Variants in OXNAD1 observed in about 807,000 individuals in gnomAD.
The protein encoded by OXNAD1 is oxidoreductase NAD-binding domain-containing protein 1.
Under a neutral mutation model 32.9 loss-of-function variants are expected in OXNAD1, and 34 were observed. The observed-to-expected ratio is 1.03, with a 90% confidence interval of 0.79 to 1.38. OXNAD1 has a LOEUF of 1.38. Ranked by LOEUF, OXNAD1 falls within the 40% of genes most tolerant of loss-of-function variation. The probability of loss-of-function intolerance (pLI) is 0.00; values close to 1 mark genes in which losing one functional copy is unlikely to be tolerated. For missense variants in OXNAD1, 407 were observed against 379.4 expected (o/e 1.07, Z -0.60); for synonymous variants, 134 against 135.2 (o/e 0.99, Z 0.06).
chr3:16,335,869 T>C lies in OXNAD1; in HGVS notation c.*31-1243T>C, dbSNP rs2070796306. 6.6e-6 allele frequency among the ~76,000 whole-genome samples: 1 copy of C among 150,750 alleles called. No individual in the cohort carries two copies. The highest frequency in any genetic ancestry group is 1.5e-5 in the Non-Finnish European group (1 of 67,896). ...GCCTGGAAACTGGATGGATGGATGGTGAGGTCTCAGGAGGCCACAGGCAGG... is the reference window on the plus strand; with the variant it reads ...GCCTGGAAACTGGATGGATGGATGGCGAGGTCTCAGGAGGCCACAGGCAGG... On this transcript the variant is annotated intron_variant, in intron 9 of 9. Coordinates refer to the OXNAD1 transcript ENST00000435829. This position sits in a 1 kb window ranked among gnomAD's most constrained non-coding sequence, Gnocchi z 4.7.
intron 9 of OXNAD1, among the ~76,000 whole-genome samples, chr3:16,330,213 G>T (rs148215891): frequency 2.6e-5 from 4 of 152,306 alleles, no homozygotes; most frequent in East Asian, 3.9e-4. Flanking sequence ...GAGTTGACAA[G>T]TAAAATACAA....
intron 9 of OXNAD1, among the ~76,000 whole-genome samples, chr3:16,324,572 CT>C (rs1231543022): frequency 6.7e-6 from 1 of 150,124 alleles, no homozygotes; most frequent in African/African-American, 2.5e-5. Context: ...AGCATAGTGT[CT>C]TCCAGGCTCA....
At position 16,289,007 on chromosome 3, in the gene OXNAD1, C is replaced by T. The variant is rs544962851; in HGVS notation, c.290+2559C>T. 5.9e-5 allele frequency among the ~76,000 whole-genome samples: 9 copies of T among 152,332 alleles called. No individual in the cohort carries two copies. The highest frequency in any genetic ancestry group is 2.2e-4 in the African/African-American group (9 of 41,580). ...CTCAGCTCACATGCTTGCTTTCTACCAGCCAGCTCTGTGATGTGGTCAGTT... is the reference window on the plus strand; with the variant it reads ...CTCAGCTCACATGCTTGCTTTCTACTAGCCAGCTCTGTGATGTGGTCAGTT... On this transcript the variant is annotated intron_variant, in intron 5 of 8. Transcript: ENST00000285083. The surrounding 1 kb of genome is among the most constrained non-coding windows in gnomAD (Gnocchi z 4.9).
chr3:16,343,479 CCCA>C (rs958895584), intron 9 of OXNAD1, among the ~76,000 whole-genome samples: 3 of 152,196 alleles, frequency 2.0e-5, no homozygotes, highest in African/African-American at 7.2e-5. Flanking sequence ...CCAATTGTTT[CCCA>C]CCATTTCCAG....
rs990090907 is a variant in OXNAD1 at position 16,327,892 on chromosome 3, G to A, written c.*31-9220G>A. On this transcript the variant is annotated intron_variant, in intron 9 of 9. Transcript: ENST00000435829. This position sits in a 1 kb window ranked among gnomAD's most constrained non-coding sequence, Gnocchi z 4.2. ...TGCAACAGGCCTCATTTCTTACTACGGGTTCCTCACTAACACTCAAAGTGT... is the reference window on the plus strand; with the variant it reads ...TGCAACAGGCCTCATTTCTTACTACAGGTTCCTCACTAACACTCAAAGTGT... Among the ~76,000 whole-genome samples, 6 of 152,124 alleles carry A rather than the reference G, an allele frequency of 3.9e-5. No homozygotes were observed. The highest frequency in any genetic ancestry group is 2.9e-5 in the Non-Finnish European group (2 of 68,014).
chr3:16,292,488 G>T lies in OXNAD1; in HGVS notation c.291-2368G>T, dbSNP rs568387198. On this transcript the variant is annotated intron_variant, in intron 5 of 8. Coordinates refer to ENST00000285083, the MANE Select transcript of OXNAD1 (RefSeq NM_138381.5). ...GATTTGTATAGGCATGAGCCACTGT[G>T]CCTGGCCCTGACTTTCTTGATGATA... Among the ~76,000 whole-genome samples, 4 of 152,272 alleles carry T rather than the reference G, an allele frequency of 2.6e-5. No individual in the cohort carries two copies. In the South Asian group the frequency reaches 6.2e-4, roughly 24 times the overall value.
At chr3:16,351,609 C>T (rs13323248), downstream of OXNAD1, among the ~76,000 whole-genome samples, 1,853 of 152,280 alleles carry the variant, frequency 0.012, 27 homozygotes, top group African/African-American at 0.042. The surrounding 1 kb of genome is among the most constrained non-coding windows in gnomAD (Gnocchi z 5.4). Context: ...GTCAAGTCCT[C>T]GCAGGTAGCA....
chr3:16,278,180 T>G (rs780489417), intron 4 of OXNAD1, among the ~76,000 whole-genome samples: 1 of 152,232 alleles, frequency 6.6e-6, no homozygotes, highest in Non-Finnish European at 1.5e-5. Context: ...GGTTACAGCA[T>G]TGAAAATGAT....
chr3:16,332,015 G>A (rs542592034), intron 9 of OXNAD1, among the ~76,000 whole-genome samples: 62 of 152,282 alleles, frequency 4.1e-4, no homozygotes, highest in Middle Eastern at 3.4e-3. Context: ...GTAACCTGTT[G>A]TATTGCTTTG....
chr3:16,285,376 A>G (rs941116730), intron 4 of OXNAD1, among the ~76,000 whole-genome samples: 1 of 152,200 alleles, frequency 6.6e-6, no homozygotes, highest in Non-Finnish European at 1.5e-5. Context: ...CACACTTTCC[A>G]AGGAGAGGGC....
downstream of OXNAD1, among the ~76,000 whole-genome samples, chr3:16,310,846 C>T (rs956563248): frequency 1.3e-5 from 2 of 151,838 alleles, no homozygotes; most frequent in Non-Finnish European, 2.9e-5. Flanking sequence ...AAAAATTAGC[C>T]GGGCGTGGTG....
Position 16,271,395 on chromosome 3 carries a change from G to T in OXNAD1, c.120-264G>T, listed in dbSNP as rs554741112. Among the ~76,000 whole-genome samples, 7 of 152,196 alleles carry T rather than the reference G, an allele frequency of 4.6e-5. No individual in the cohort carries two copies. The highest frequency in any genetic ancestry group is 2.1e-4 in the South Asian group (1 of 4,820). On this transcript the variant is annotated intron_variant, in intron 3 of 8. Transcript: ENST00000285083. The surrounding 1 kb of genome is among the most constrained non-coding windows in gnomAD (Gnocchi z 4.6). ...ATTTTTGTATTTTTGGTAGAGAAAG[G>T]CTTTCTCCATGTTGGCCAGGCTGGT...
downstream of OXNAD1, among the ~76,000 whole-genome samples, chr3:16,351,069 G>A (rs1247412994): frequency 2.0e-5 from 3 of 152,318 alleles, no homozygotes; most frequent in South Asian, 4.1e-4. This position sits in a 1 kb window ranked among gnomAD's most constrained non-coding sequence, Gnocchi z 5.4. Flanking sequence ...TATTACACAG[G>A]ATTCACAGGA....
At position 16,322,522 on chromosome 3, in the gene OXNAD1, G is replaced by C. The variant is rs1421953309; in HGVS notation, c.*31-14590G>C. On this transcript the variant is annotated intron_variant, in intron 9 of 9. Coordinates refer to the OXNAD1 transcript ENST00000435829. The surrounding 1 kb of genome is among the most constrained non-coding windows in gnomAD (Gnocchi z 6.2). ...TGGCCTCAGCCATCAAAGGTGCAGT[G>C]AGCTGAATCCAGGTGATGCCTGACT... is the stretch of plus-strand genomic sequence containing the variant. Among the ~76,000 whole-genome samples, 1 of 152,228 alleles carries C rather than the reference G, an allele frequency of 6.6e-6. No homozygotes were observed. The highest frequency in any genetic ancestry group is 1.9e-4 in the East Asian group (1 of 5,192).
chr3:16,316,983 C>G lies in OXNAD1; in HGVS notation c.*30+13391C>G, dbSNP rs575610057. On this transcript the variant is annotated intron_variant, in intron 9 of 9. Transcript: ENST00000435829. This position sits in a 1 kb window ranked among gnomAD's most constrained non-coding sequence, Gnocchi z 4.5. ...ACAGCCTCACCCTCCACACCCACCC[C>G]ACACAGCAGGCCACCAGGGGACAGC... The G allele has an allele frequency of 6.2e-7, 1 of 1,614,102 alleles. No homozygotes were observed. Among genetic ancestry groups the G allele is most frequent in the African/African-American group, 1.3e-5 (1 of 75,038 alleles).
At chr3:16,272,441 TA>T (rs11295949) in intron 4 of OXNAD1, 110,128 of 163,864 alleles carry the variant, frequency 0.67, 38,124 homozygotes, top group African/African-American at 0.84. Context: ...AAGCTAACAA[TA>T]AAAAAACTAT....
rs958671194 is a variant in OXNAD1 at position 16,302,186 on chromosome 3, A to G, written c.675+318A>G. On this transcript the variant is annotated intron_variant, in intron 7 of 8. Transcript: ENST00000285083. This position sits in a 1 kb window ranked among gnomAD's most constrained non-coding sequence, Gnocchi z 4.2. ...CTACAGTGGACTAGTGTATCACAGG[A>G]GTAGGTAAGACTTAGACAGTTTGGA... is the stretch of plus-strand genomic sequence containing the variant. Among the ~76,000 whole-genome samples, 4 of 152,182 alleles carry G rather than the reference A, an allele frequency of 2.6e-5. No individual in the cohort carries two copies. Among genetic ancestry groups the G allele is most frequent in the Non-Finnish European group, 5.9e-5 (4 of 68,026 alleles).
At position 16,322,383 on chromosome 3, in the gene OXNAD1, A is replaced by C. The variant is rs2125195551; in HGVS notation, c.*31-14729A>C. On this transcript the variant is annotated intron_variant, in intron 9 of 9. Transcript: ENST00000435829. The surrounding 1 kb of genome is among the most constrained non-coding windows in gnomAD (Gnocchi z 6.2). Reference sequence around the variant, plus strand: ...CTGCTCCAATCTGTTCATTTACTTGATGCTCCTTCCCAGGGCTCTGTGTCC... The same window carrying C: ...CTGCTCCAATCTGTTCATTTACTTGCTGCTCCTTCCCAGGGCTCTGTGTCC... 6.6e-6 allele frequency among the ~76,000 whole-genome samples: 1 copy of C among 152,244 alleles called. No homozygotes were observed. The highest frequency in any genetic ancestry group is 1.9e-4 in the East Asian group (1 of 5,174).
At chr3:16,306,143 C>T (rs935491944), downstream of OXNAD1, 1 of 152,318 alleles carries the variant, frequency 6.6e-6, no homozygotes, top group African/African-American at 2.4e-5. Context: ...AAGACCCTTT[C>T]CCAGCCTACT....
Sources: allele counts gnomAD v4.1 joint callset (sites outside exome capture counted in the v4.1 genomes callset), GRCh38; gene constraint gnomAD v4.1.1; non-coding constraint Gnocchi (gnomAD v3.1); transcripts MANE v1.5; gene names NCBI Gene and HGNC (gene_info 2026-07-23, HGNC 2026-07-21).